The following HIBCH variants were observed in gnomAD, a reference collection of about 807,000 sequenced individuals.
HIBCH encodes 3-hydroxyisobutyryl-CoA hydrolase, also known as 3-hydroxyisobutyryl-CoA hydrolase, mitochondrial.
In HIBCH, 50 loss-of-function variants were observed where a neutral mutation model predicts 58.2. That is an observed-to-expected ratio of 0.86 (90% confidence interval 0.68 to 1.09). The LOEUF (loss-of-function observed/expected upper bound fraction) is 1.09. Among genes scored for constraint, HIBCH ranks in the 50% least tolerant of loss-of-function variants. The probability of loss-of-function intolerance (pLI) is 0.00; values close to 1 mark genes in which losing one functional copy is unlikely to be tolerated. For missense variants in HIBCH, 450 were observed against 449.7 expected, an observed-to-expected ratio of 1.00 and a Z score of -0.01; for synonymous variants, 151 against 146.9, an observed-to-expected ratio of 1.03 and a Z score of -0.20.
At chr2:190,200,306 T>TTAAG, downstream of HIBCH, 1 of 657,564 alleles carries the variant, frequency 1.5e-6, no homozygotes. Context: ...GAAATGCATT[T>TTAAG]TAAGTACTTC....
chr2:190,263,855 T>A lies in HIBCH; in HGVS notation c.439-2621A>T, dbSNP rs146288378. ...CTGAGAGCTCTAACTTAAAAATATA[T>A]CCTGGACTGGGCCACTTTTCACCAT... is the stretch of plus-strand genomic sequence containing the variant. On this transcript the variant is annotated intron_variant, in intron 6 of 13. Coordinates refer to ENST00000359678, the MANE Select transcript of HIBCH (RefSeq NM_014362.4). Among the ~76,000 whole-genome samples the A allele has an allele frequency of 2.4e-3, 366 of 151,968 alleles. 4 individuals carry two copies. The Middle Eastern group carries it at 0.031, about 13-fold the overall frequency.
intron 8 of HIBCH, chr2:190,251,601 T>C: frequency 2.3e-6 from 1 of 430,818 alleles, no homozygotes; most frequent in Non-Finnish European, 4.8e-6. Context: ...TAAGTTCCAA[T>C]TAAGACTTAA....
rs1254784888 is a variant in HIBCH, at chr2:190,197,921, A to AT, written c.*17+7178dup. Among the ~76,000 whole-genome samples, 1 of 152,044 alleles carries AT rather than the reference A, an allele frequency of 6.6e-6. No individual in the cohort carries two copies. The highest frequency in any genetic ancestry group is 1.5e-5 in the Non-Finnish European group (1 of 68,010). ...TGACACTCATTGAGTTCTCCAAGTA[A>AT]TTTTTTTCAGGTTAACCATGTCCAA... On this transcript the variant is annotated intron_variant, in intron 1 of 1. Transcript: ENST00000399855. The surrounding 1 kb of genome is among the most constrained non-coding windows in gnomAD (Gnocchi z 4.0).
intron 6 of HIBCH, among the ~76,000 whole-genome samples, chr2:190,271,580 G>C (rs1010400444): frequency 1.3e-5 from 2 of 152,060 alleles, no homozygotes; most frequent in Admixed American, 1.3e-4. Flanking sequence ...GTGAGCCACT[G>C]TGTCTGGCCT....
intron 6 of HIBCH, among the ~76,000 whole-genome samples, chr2:190,277,395 C>T (rs1479690556): frequency 2.0e-5 from 3 of 152,086 alleles, no homozygotes; most frequent in East Asian, 1.9e-4. Flanking sequence ...AAAGGAAAGC[C>T]GTGGGAACCA....
rs1383229972 is a variant in HIBCH at position 190,306,392 on chromosome 2, CGAA to C, written c.78+4359_78+4361del. On this transcript the variant is annotated intron_variant, in intron 2 of 13. Coordinates refer to ENST00000359678, the MANE Select transcript of HIBCH (RefSeq NM_014362.4). This position sits in a 1 kb window ranked among gnomAD's most constrained non-coding sequence, Gnocchi z 4.6. ...AAAAGGTCTTTTGCTGTAGACTCCA[CGAA>C]GAAGAAGGTTTTTGCTGTGAGCCAC... Among the ~76,000 whole-genome samples, 129 of 152,080 alleles carry C rather than the reference CGAA, an allele frequency of 8.5e-4. No individual in the cohort carries two copies. The highest frequency in any genetic ancestry group is 1.2e-3 in the Non-Finnish European group (81 of 68,016).
intron 6 of HIBCH, among the ~76,000 whole-genome samples, chr2:190,287,060 A>G (rs565575004): frequency 0.054 from 945 of 17,530 alleles, 9 homozygotes; most frequent in African/African-American, 0.14. Flanking sequence ...GTGTGTGTGT[A>G]TACATATATT....
rs903963406 is a variant in HIBCH, at chr2:190,279,183, T to C, written c.438+8403A>G. Among the ~76,000 whole-genome samples the C allele has an allele frequency of 6.6e-6, 1 of 152,166 alleles. No homozygotes were observed. The highest frequency in any genetic ancestry group is 2.4e-5 in the African/African-American group (1 of 41,440). Reference sequence around the variant, plus strand: ...ACCCATTCCCATGGTAATTAAACCATTCTTCCTGTGATAACCTATTAATCC... The same window carrying C: ...ACCCATTCCCATGGTAATTAAACCACTCTTCCTGTGATAACCTATTAATCC... On this transcript the variant is annotated intron_variant, in intron 6 of 13. Coordinates refer to ENST00000359678, the MANE Select transcript of HIBCH (RefSeq NM_014362.4). The surrounding 1 kb of genome is among the most constrained non-coding windows in gnomAD (Gnocchi z 4.2).
chr2:190,282,534 C>T, intron 6 of HIBCH, among the ~76,000 whole-genome samples: 1 of 152,186 alleles, frequency 6.6e-6, no homozygotes, highest in East Asian at 1.9e-4. Context: ...AGATACTAAT[C>T]CATCTTAACA....
chr2:190,213,903 G>A, intron 11 of HIBCH: 1 of 152,366 alleles, frequency 6.6e-6, no homozygotes, highest in African/African-American at 2.4e-5. Flanking sequence ...GGGTGTGCCT[G>A]CACACCAGAC....
intron 1 of HIBCH, among the ~76,000 whole-genome samples, chr2:190,192,597 T>C (rs1689768078): frequency 6.6e-6 from 1 of 152,076 alleles, no homozygotes; most frequent in Non-Finnish European, 1.5e-5. Context: ...TTTTGCCGAA[T>C]ATACATGTTA....
At chr2:190,205,868 C>T (rs934355558) in intron 13 of HIBCH, among the ~76,000 whole-genome samples, 2 of 151,608 alleles carry the variant, frequency 1.3e-5, no homozygotes, top group Non-Finnish European at 2.9e-5. Context: ...GTAACTTCTC[C>T]GAAAAAAAAG....
At chr2:190,290,081 G>A (rs1373155360) in intron 5 of HIBCH, among the ~76,000 whole-genome samples, 1 of 152,104 alleles carries the variant, frequency 6.6e-6, no homozygotes, top group Non-Finnish European at 1.5e-5. Flanking sequence ...GTTTCAGCAC[G>A]TTGGCCAGGC....
chr2:190,199,959 A>ATGTC, downstream of HIBCH: 6 of 1,614,100 alleles, frequency 3.7e-6, no homozygotes, highest in Non-Finnish European at 5.1e-6. Flanking sequence ...CAGAAGAGAG[A>ATGTC]TGTCTACCTA....
rs1687710126 is a variant in HIBCH at position 190,281,778 on chromosome 2, C to T, written c.438+5808G>A. Reference sequence around the variant, plus strand: ...TAAGCTATTAAAAGTAGCCATGCAGCAGCCTGAATGCTTTGCGGATTAGAT... The same window carrying T: ...TAAGCTATTAAAAGTAGCCATGCAGTAGCCTGAATGCTTTGCGGATTAGAT... On this transcript the variant is annotated intron_variant, in intron 6 of 13. Transcript: ENST00000359678. This position sits in a 1 kb window ranked among gnomAD's most constrained non-coding sequence, Gnocchi z 5.4. Among the ~76,000 whole-genome samples the T allele has an allele frequency of 6.6e-6, 1 of 152,180 alleles. No individual in the cohort carries two copies. The highest frequency in any genetic ancestry group is 2.1e-4 in the South Asian group (1 of 4,830).
downstream of HIBCH, chr2:190,199,936 G>C (rs765266493): frequency 6.2e-7 from 1 of 1,614,090 alleles, no homozygotes; most frequent in Non-Finnish European, 8.5e-7. Flanking sequence ...TGAGAGTGAA[G>C]AACCCTTTAT....
intron 3 of HIBCH, among the ~76,000 whole-genome samples, chr2:190,295,219 C>T (rs1688072926): frequency 6.6e-6 from 1 of 152,188 alleles, no homozygotes; most frequent in Admixed American, 6.5e-5. Context: ...TAGTTACCCA[C>T]AGACAGAAAA....
intron 7 of HIBCH, among the ~76,000 whole-genome samples, chr2:190,255,259 C>T (rs575401897): frequency 2.0e-5 from 3 of 152,310 alleles, no homozygotes; most frequent in African/African-American, 4.8e-5. Context: ...CTCCTGCCCT[C>T]GATTCAGACA....
intron 6 of HIBCH, among the ~76,000 whole-genome samples, chr2:190,261,495 T>G (rs1336758158): frequency 6.6e-6 from 1 of 152,140 alleles, no homozygotes; most frequent in Non-Finnish European, 1.5e-5. Flanking sequence ...ATTCTCTTCC[T>G]CCACAGAGAC....
Sources: gnomAD v4.1 joint callset for allele counts (sites outside exome capture counted in the v4.1 genomes callset) on GRCh38, gnomAD v4.1.1 for gene constraint, Gnocchi (gnomAD v3.1) non-coding constraint, MANE v1.5 for transcripts, NCBI Gene and HGNC (gene_info 2026-07-23, HGNC 2026-07-21) for gene names.